FHOD3: variants seen among roughly 807,000 people sequenced by gnomAD.
The protein encoded by FHOD3 is formin homology 2 domain containing 3.
A neutral mutation model predicts 173.0 loss-of-function variants in FHOD3; 90 were observed. The ratio of observed to expected loss-of-function variants is 0.52; its 90% CI spans 0.44 to 0.62. The LOEUF is 0.62. FHOD3 is among the 20% of genes least tolerant of loss of function. The pLI, the probability that FHOD3 is intolerant of heterozygous loss-of-function variation, is 0.00. For missense variants in FHOD3, 1,945 were observed against 2,034.7 expected, an observed-to-expected ratio of 0.96 and a Z score of 0.85; for synonymous variants, 828 against 823.0, an observed-to-expected ratio of 1.01 and a Z score of -0.10.
intron 1 of FHOD3, among the ~76,000 whole-genome samples, chr18:36,314,222 T>C (rs1227650499): frequency 6.6e-6 from 1 of 152,228 alleles, no homozygotes; most frequent in African/African-American, 2.4e-5. Flanking sequence ...CCCTGCCTCA[T>C]GGCCTCATCA....
intron 5 of FHOD3, among the ~76,000 whole-genome samples, chr18:36,546,104 C>T (rs1387006840): frequency 3.3e-5 from 5 of 152,178 alleles, no homozygotes; most frequent in African/African-American, 1.2e-4. Context: ...TTTAAGGGAA[C>T]CCCTTTTTCA....
At chr18:36,507,985 A>G (rs1474666046) in intron 4 of FHOD3, among the ~76,000 whole-genome samples, 2 of 152,202 alleles carry the variant, frequency 1.3e-5, no homozygotes, top group African/African-American at 4.8e-5. Flanking sequence ...AGCTATTCCA[A>G]GTGACTTAAA....
intron 2 of FHOD3, 48 bp downstream of exon 2, chr18:36,355,693 A>C: frequency 6.8e-7 from 1 of 1,474,636 alleles, no homozygotes; most frequent in Non-Finnish European, 9.5e-7. Flanking sequence ...CTACCAGGAA[A>C]TGGGGGTACA....
chr18:36,504,582 G>A (rs12607214), intron 4 of FHOD3, among the ~76,000 whole-genome samples: 19,236 of 148,874 alleles, frequency 0.13, 1,894 homozygotes, highest in East Asian at 0.57. Flanking sequence ...TCACACTCTG[G>A]GGACTGTTGT....
intron 8 of FHOD3, among the ~76,000 whole-genome samples, chr18:36,604,136 G>C (rs1471282008): frequency 6.6e-6 from 1 of 152,148 alleles, no homozygotes; most frequent in Non-Finnish European, 1.5e-5. Flanking sequence ...CTCAGGTCTG[G>C]AGTTTCTCCA....
intron 6 of FHOD3, among the ~76,000 whole-genome samples, chr18:36,585,364 G>A (rs1217766405): frequency 1.3e-5 from 2 of 152,100 alleles, no homozygotes; most frequent in South Asian, 2.1e-4. Flanking sequence ...CTCTTCTACC[G>A]GCCACTTGGC....
At chr18:36,609,870 C>T (rs968950996) in intron 8 of FHOD3, among the ~76,000 whole-genome samples, 1 of 152,192 alleles carries the variant, frequency 6.6e-6, no homozygotes, top group Non-Finnish European at 1.5e-5. Context: ...CTCAACCCCC[C>T]AAAAGTGTTG....
intron 3 of FHOD3, among the ~76,000 whole-genome samples, chr18:36,461,368 A>G (rs1013945275): frequency 6.6e-6 from 1 of 151,920 alleles, no homozygotes; most frequent in South Asian, 2.1e-4. Context: ...ACCCTTTTCT[A>G]TTAGATTGTT....
chr18:36,641,162 G>C (rs2035279182), intron 10 of FHOD3, among the ~76,000 whole-genome samples: 1 of 152,180 alleles, frequency 6.6e-6, no homozygotes, highest in Admixed American at 6.5e-5. Flanking sequence ...GATGTCCCTT[G>C]GAGCCAGGGC....
intron 3 of FHOD3, among the ~76,000 whole-genome samples, chr18:36,387,287 G>A (rs1312655745): frequency 1.3e-5 from 2 of 152,102 alleles, no homozygotes; most frequent in Non-Finnish European, 2.9e-5. Context: ...AAAAATGGGG[G>A]ACTCTCACAC....
intron 17 of FHOD3, among the ~76,000 whole-genome samples, chr18:36,707,051 A>G (rs2039921985): frequency 6.6e-6 from 1 of 152,206 alleles, no homozygotes; most frequent in African/African-American, 2.4e-5. Flanking sequence ...ATGTTTCTAA[A>G]AGGCCTGTTC....
At position 36,384,570 on chromosome 18, in the gene FHOD3, CAA is replaced by C. The variant is rs57653216; in HGVS notation, c.337+11840_337+11841del. Among the ~76,000 whole-genome samples, 221 of 115,154 alleles carry C rather than the reference CAA, an allele frequency of 1.9e-3. 2 individuals carry two copies. The highest frequency in any genetic ancestry group is 5.5e-3 in the African/African-American group (175 of 32,088). 75.5% of individuals were successfully genotyped at this position (115,154 alleles called of 152,430 possible). A position where few individuals can be genotyped will look rare whatever the true frequency, so the allele number is the denominator to read the frequency against. On this transcript the variant is annotated intron_variant, in intron 3 of 28. Transcript: ENST00000590592. The stretch of plus-strand genomic sequence containing the variant: ...AGGCAACAAGAGCAAAACTGCATCT[CAA>C]AAAAAAAAAAAAAGGATTAAAGAAA...
At chr18:36,614,840 A>ATTTTTTTTT (rs751719654) in intron 9 of FHOD3, among the ~76,000 whole-genome samples, 4 of 86,196 alleles carry the variant, frequency 4.6e-5, no homozygotes, top group African/African-American at 9.6e-5. Flanking sequence ...TTTTTAATTG[A>ATTTTTTTTT]TTTTTTTTTT....
At chr18:36,437,482 A>G (rs761842352) in intron 3 of FHOD3, among the ~76,000 whole-genome samples, 5 of 152,058 alleles carry the variant, frequency 3.3e-5, no homozygotes, top group Non-Finnish European at 7.4e-5. Context: ...ACTAAAATTC[A>G]ATTTTGTGTA....
intron 2 of FHOD3, among the ~76,000 whole-genome samples, chr18:36,366,972 A>G (rs2046928613): frequency 6.6e-6 from 1 of 152,156 alleles, no homozygotes; most frequent in African/African-American, 2.4e-5. Context: ...GAAAGTCATC[A>G]AGCTTCTGTC....
intron 3 of FHOD3, among the ~76,000 whole-genome samples, chr18:36,457,460 G>A (rs954122794): frequency 2.0e-5 from 3 of 152,096 alleles, no homozygotes; most frequent in African/African-American, 7.3e-5. Context: ...CTTCCGTACA[G>A]AACATCTGAC....
chr18:36,432,015 C>G (rs778553130), intron 3 of FHOD3, among the ~76,000 whole-genome samples: 7 of 152,222 alleles, frequency 4.6e-5, no homozygotes, highest in South Asian at 4.1e-4. Context: ...AGTCCTGTCT[C>G]CCTTTGGTGA....
intron 24 of FHOD3, 83 bp downstream of exon 24, chr18:36,747,218 A>G (rs1376420177): frequency 2.7e-6 from 3 of 1,129,664 alleles, no homozygotes; most frequent in African/African-American, 3.2e-5. Flanking sequence ...GCCGATGGTT[A>G]AATTTACAGA....
chr18:36,626,500 G>T (rs912911421), intron 10 of FHOD3, among the ~76,000 whole-genome samples: 4 of 152,150 alleles, frequency 2.6e-5, no homozygotes, highest in Non-Finnish European at 5.9e-5. Flanking sequence ...ACAACAAAAG[G>T]CTGGCCATGC....
Sources: allele counts gnomAD v4.1 joint callset (sites outside exome capture counted in the v4.1 genomes callset), GRCh38; gene constraint gnomAD v4.1.1; transcripts MANE v1.5; gene names NCBI Gene and HGNC (gene_info 2026-07-23, HGNC 2026-07-21).